SMYD4: variants seen among roughly 807,000 people sequenced by gnomAD.
SMYD4 encodes the protein SET and MYND domain containing 4.
A neutral mutation model predicts 72.8 loss-of-function variants in SMYD4; 68 were observed. The observed-to-expected ratio is 0.93, with a 90% CI of 0.77 to 1.14. The LOEUF is 1.14. Ranked by LOEUF, SMYD4 falls within the 50% of genes most tolerant of loss-of-function variation. The probability of loss-of-function intolerance (pLI) is 0.00; values close to 1 mark genes in which losing one functional copy is unlikely to be tolerated. For synonymous variants in SMYD4, 407 were observed against 388.6 expected (o/e 1.05, Z -0.56); for missense variants, 984 against 1,003.7 (o/e 0.98, Z 0.27).
At chr17:1,815,501 ATTC>A (rs1408541732) in intron 2 of SMYD4, among the ~76,000 whole-genome samples, 12 of 98,536 alleles carry the variant, frequency 1.2e-4, no homozygotes, top group Non-Finnish European at 2.7e-4. Flanking sequence ...CATCCAGCCG[ATTC>A]TTTTTTTTTT....
At chr17:1,794,833 T>C (rs926954198) in intron 5 of SMYD4, among the ~76,000 whole-genome samples, 7 of 152,064 alleles carry the variant, frequency 4.6e-5, no homozygotes, top group Admixed American at 4.6e-4. Context: ...TTTGAAATGG[T>C]ATGAAACTGA....
chr17:1,784,198 C>T, intron 8 of SMYD4, 128 bp downstream of exon 8: 1 of 1,457,430 alleles, frequency 6.9e-7, no homozygotes, highest in Non-Finnish European at 9.3e-7. Context: ...ATATAGCCAT[C>T]TTGTGGCTGG....
intron 2 of SMYD4, among the ~76,000 whole-genome samples, chr17:1,817,379 C>T (rs1438675434): frequency 6.6e-6 from 1 of 152,092 alleles, no homozygotes; most frequent in Non-Finnish European, 1.5e-5. Context: ...CTCTGTCGCC[C>T]AGGCTGGAGT....
intron 5 of SMYD4, among the ~76,000 whole-genome samples, chr17:1,795,575 T>TG (rs1464093519): frequency 6.6e-6 from 1 of 152,154 alleles, no homozygotes; most frequent in Non-Finnish European, 1.5e-5. Flanking sequence ...CCCGTGTAGC[T>TG]GGGATTACAG....
At chr17:1,823,142 G>A (rs1910974899) in intron 2 of SMYD4, among the ~76,000 whole-genome samples, 2 of 151,310 alleles carry the variant, frequency 1.3e-5, no homozygotes, top group East Asian at 3.9e-4. Flanking sequence ...AGGCTGAGGC[G>A]GGTGGATCAT....
At chr17:1,795,720 G>A (rs563042506) in intron 5 of SMYD4, among the ~76,000 whole-genome samples, 2 of 145,340 alleles carry the variant, frequency 1.4e-5, no homozygotes, top group African/African-American at 5.2e-5. Flanking sequence ...GGGATTACAC[G>A]CATGAGCCAC....
chr17:1,817,087 C>G (rs768319572), intron 2 of SMYD4, among the ~76,000 whole-genome samples: 5 of 150,030 alleles, frequency 3.3e-5, no homozygotes, highest in African/African-American at 1.2e-4. Flanking sequence ...CTCTGTCGCC[C>G]AGGCAGAAGT....
At position 1,780,426 on chromosome 17, in the gene SMYD4, A is replaced by C. The variant is rs904760085; in HGVS notation, c.*860T>G. On this transcript the variant is annotated 3_prime_UTR_variant, in exon 11 of 11. Coordinates refer to ENST00000305513, the MANE Select transcript of SMYD4 (RefSeq NM_052928.3). ...GTGATACGGTCTCACTATATTGCCC[A>C]GGCTGGTTTTGAACTCCTGGGCTCA... 2 of 152,216 alleles carry C rather than the reference A, an allele frequency of 1.3e-5. No individual in the cohort carries two copies. The highest frequency in any genetic ancestry group is 2.9e-5 in the Non-Finnish European group (2 of 68,112). The allele number at this position is 152,216 out of a possible 1,614,324, so 9.4% of individuals were successfully genotyped here. A position where few individuals can be genotyped will look rare whatever the true frequency, so the allele number is the denominator to read the frequency against.
At chr17:1,783,964 C>T (rs1034363480) in intron 8 of SMYD4, 1 of 289,460 alleles carries the variant, frequency 3.5e-6, no homozygotes, top group African/African-American at 2.1e-5. Context: ...GAGGGAAGAA[C>T]CGCCCTTCTA....
Position 1,821,508 on chromosome 17 carries a change from C to CT in SMYD4, c.134+6352dup, listed in dbSNP as rs1378948691. On this transcript the variant is annotated intron_variant, in intron 2 of 10. Transcript: ENST00000305513. ...CAGGCTGGGTGACAAGAGCGAAACT[C>CT]TGTCTCAAAAAAACAAAAACAAAAA... Among the ~76,000 whole-genome samples, 3 of 151,850 alleles carry CT rather than the reference C, an allele frequency of 2.0e-5. No individual in the cohort carries two copies. In the East Asian group the frequency reaches 5.8e-4, roughly 29 times the overall value.
chr17:1,780,370 A>G lies in SMYD4; in HGVS notation c.*916T>C, dbSNP rs1908298803. Reference sequence around the variant, plus strand: ...GGTGGGACTACAGGCATGTGCCACCATGCTCGGTGAACTAAAAAAACTTTT... The same window carrying G: ...GGTGGGACTACAGGCATGTGCCACCGTGCTCGGTGAACTAAAAAAACTTTT... On this transcript the variant is annotated 3_prime_UTR_variant, in exon 11 of 11. Coordinates refer to ENST00000305513, the MANE Select transcript of SMYD4 (RefSeq NM_052928.3). 1.3e-5 allele frequency: 2 copies of G among 152,108 alleles called. No individual in the cohort carries two copies. Among genetic ancestry groups the G allele is most frequent in the Admixed American group, 6.6e-5 (1 of 15,264 alleles). The allele number at this position is 152,108 out of a possible 1,614,324, so 9.4% of individuals were successfully genotyped here.
chr17:1,823,663 A>G (rs865847642), intron 2 of SMYD4, among the ~76,000 whole-genome samples: 11 of 152,272 alleles, frequency 7.2e-5, no homozygotes, highest in Middle Eastern at 6.8e-3. Flanking sequence ...ATTTCACAGC[A>G]GGGTTGGGCA....
intron 3 of SMYD4, among the ~76,000 whole-genome samples, chr17:1,810,045 T>C (rs1347320765): frequency 1.3e-5 from 2 of 152,112 alleles, no homozygotes; most frequent in African/African-American, 4.8e-5. Context: ...TCCTCCTGCC[T>C]CAGCCTCCCA....
At chr17:1,809,023 T>C (rs1245466042) in intron 3 of SMYD4, among the ~76,000 whole-genome samples, 1 of 152,158 alleles carries the variant, frequency 6.6e-6, no homozygotes, top group Non-Finnish European at 1.5e-5. Context: ...GAGTAGGATG[T>C]ACACCCTTCA....
intron 7 of SMYD4, among the ~76,000 whole-genome samples, chr17:1,786,228 C>T (rs1334067370): frequency 3.9e-5 from 6 of 152,170 alleles, no homozygotes; most frequent in Non-Finnish European, 7.4e-5. Flanking sequence ...GCAGGAAATC[C>T]GCAGGCTGGG....
chr17:1,787,589 A>G lies in SMYD4; in HGVS notation c.1553T>C (p.Ile518Thr). 3 of 1,590,508 alleles carry G rather than the reference A, an allele frequency of 1.9e-6. No homozygotes were observed. The highest frequency in any genetic ancestry group is 1.8e-5 in the Admixed American group (1 of 56,306). ...GCGCACCTGCCTGCTGTCGGTAACG[A>G]TGCTCCCTTTAGGTCCTGAAAGGGC... Reference protein sequence around the residue: ...TIQHTGPKGSIVTDSRQVRLA... With the variant: ...TIQHTGPKGSTVTDSRQVRLA... The change falls in exon 6 of 11, where the codon ATC becomes ACC. Residue 518 changes from isoleucine to threonine, a missense_variant. By Grantham distance (89) the Ile-to-Thr change is moderately conservative. Coordinates refer to ENST00000305513, the MANE Select transcript of SMYD4 (RefSeq NM_052928.3).
chr17:1,818,568 A>G (rs1263604314), intron 2 of SMYD4, among the ~76,000 whole-genome samples: 2 of 152,128 alleles, frequency 1.3e-5, no homozygotes, highest in Non-Finnish European at 1.5e-5. Flanking sequence ...TCTTTTTCTC[A>G]CCCTAACCAA....
At chr17:1,789,769 A>C (rs1908922474) in intron 5 of SMYD4, among the ~76,000 whole-genome samples, 2 of 151,440 alleles carry the variant, frequency 1.3e-5, no homozygotes, top group Non-Finnish European at 2.9e-5. Context: ...TGTCTCAAAA[A>C]AAAAAAAAAA....
intron 2 of SMYD4, among the ~76,000 whole-genome samples, chr17:1,825,686 A>T (rs1048364598): frequency 6.6e-6 from 1 of 151,686 alleles, no homozygotes; most frequent in African/African-American, 2.4e-5. Context: ...TAATTTTTAA[A>T]ATTTGTTTAT....
Sources: allele counts gnomAD v4.1 joint callset (sites outside exome capture counted in the v4.1 genomes callset), GRCh38; gene constraint gnomAD v4.1.1; transcripts MANE v1.5; gene names NCBI Gene and HGNC (gene_info 2026-07-23, HGNC 2026-07-21).